The following MAP4K1 variants were observed in gnomAD, a reference collection of about 807,000 sequenced individuals.
MAP4K1 encodes MAPK/ERK kinase kinase kinase 1.
Under a neutral mutation model 122.8 loss-of-function variants are expected in MAP4K1, and 35 were observed. The ratio of observed to expected loss-of-function variants is 0.29; its 90% CI spans 0.22 to 0.38. The LOEUF (loss-of-function observed/expected upper bound fraction) is 0.38, where lower values mean the gene tolerates loss of function less well. Ranked by LOEUF, MAP4K1 falls within the 10% of genes least tolerant of loss-of-function variation. The probability of loss-of-function intolerance (pLI) is 1.00; values close to 1 mark genes in which losing one functional copy is unlikely to be tolerated. For synonymous variants in MAP4K1, 412 were observed against 421.3 expected, an observed-to-expected ratio of 0.98 and a Z score of 0.27; for missense variants, 791 against 1,072.6, an observed-to-expected ratio of 0.74 and a Z score of 3.67.
chr19:38,612,808 A>G, intron 8 of MAP4K1, 66 bp from the exon 9 acceptor site: 2 of 1,569,984 alleles, frequency 1.3e-6, no homozygotes, highest in South Asian at 2.2e-5. Flanking sequence ...AGGGGCAGAG[A>G]AGGAGAAGGA....
At chr19:38,603,068 ATATACATATATACACATG>A (rs1296355370) in intron 19 of MAP4K1, among the ~76,000 whole-genome samples, 2 of 138,872 alleles carry the variant, frequency 1.4e-5, no homozygotes, top group Non-Finnish European at 3.0e-5. Context: ...ACATATACAC[ATATACATATATACACATG>A]TACATATATA....
chr19:38,600,849 A>G (rs1201451357), intron 20 of MAP4K1, among the ~76,000 whole-genome samples: 1 of 123,064 alleles, frequency 8.1e-6, no homozygotes, highest in African/African-American at 3.2e-5. Context: ...TCTGTTGCCC[A>G]GGCTGGAGTG....
chr19:38,599,220 C>T (rs1974986312), intron 22 of MAP4K1, among the ~76,000 whole-genome samples: 1 of 148,810 alleles, frequency 6.7e-6, no homozygotes, highest in South Asian at 2.1e-4. Flanking sequence ...TGATGGCTCA[C>T]ATCTGTAATA....
chr19:38,587,869 A>G, intron 30 of MAP4K1, 52 bp from the exon 31 acceptor site: 4 of 1,364,478 alleles, frequency 2.9e-6, no homozygotes, highest in Non-Finnish European at 4.2e-6. Context: ...ATGTTCATTG[A>G]TTCATTAATT....
chr19:38,604,400 CAA>C (rs1293202181), intron 19 of MAP4K1, among the ~76,000 whole-genome samples: 2 of 152,096 alleles, frequency 1.3e-5, no homozygotes, highest in Non-Finnish European at 2.9e-5. Flanking sequence ...TGGATCTTGT[CAA>C]AAGACTCTAA....
At chr19:38,608,884 G>A (rs1208364311) in intron 13 of MAP4K1, among the ~76,000 whole-genome samples, 1 of 151,356 alleles carries the variant, frequency 6.6e-6, no homozygotes, top group Non-Finnish European at 1.5e-5. Flanking sequence ...GGAGGCTGAG[G>A]TGGGAGGATT....
chr19:38,616,909 T>G (rs1975662550), intron 3 of MAP4K1, among the ~76,000 whole-genome samples: 1 of 151,858 alleles, frequency 6.6e-6, no homozygotes, highest in Admixed American at 6.6e-5. Context: ...GGGTCCAGGA[T>G]GGGAGGTCGG....
chr19:38,614,426 C>T lies in MAP4K1; in HGVS notation c.333G>A (p.Glu111=). The part of the protein sequence containing the change: ...DIYQVTGSLS[E]LQISYVCREV... ...CCCGGCAGACATAGCTAATCTGGAG[C>T]TCTGACAGGGAGCCTGTCACTGCAA... The change falls in exon 5 of 31, where the codon GAG becomes GAA. Residue 111 remains glutamate (E), a synonymous_variant. Coordinates refer to ENST00000396857, the MANE Select transcript of MAP4K1 (RefSeq NM_001042600.3). The T allele has an allele frequency of 6.2e-7, 1 of 1,614,148 alleles. No homozygotes were observed. The highest frequency in any genetic ancestry group is 8.5e-7 in the Non-Finnish European group (1 of 1,180,026).
intron 19 of MAP4K1, among the ~76,000 whole-genome samples, chr19:38,604,981 G>A (rs62120356): frequency 0.037 from 5,640 of 151,400 alleles, 129 homozygotes; most frequent in Admixed American, 0.064. Context: ...CAGCTACTCC[G>A]GAGGCTGAGG....
intron 30 of MAP4K1, among the ~76,000 whole-genome samples, chr19:38,592,148 C>T (rs1172809335): frequency 6.6e-6 from 1 of 151,968 alleles, no homozygotes; most frequent in Non-Finnish European, 1.5e-5. Flanking sequence ...GTGGTGTATG[C>T]CTGTGGACCT....
At chr19:38,608,269 A>G in intron 13 of MAP4K1, 99 bp from the exon 14 acceptor site, 4 of 561,894 alleles carry the variant, frequency 7.1e-6, no homozygotes, top group Non-Finnish European at 1.2e-5. Context: ...GGGGGGTTGC[A>G]GTCAGGATCT....
At chr19:38,607,119 G>C (rs1975351525) in intron 16 of MAP4K1, among the ~76,000 whole-genome samples, 2 of 152,194 alleles carry the variant, frequency 1.3e-5, no homozygotes, top group South Asian at 4.1e-4. Flanking sequence ...AGACTGGGAT[G>C]TGGCTGAGGG....
At chr19:38,590,254 A>C (rs8112140) in intron 30 of MAP4K1, among the ~76,000 whole-genome samples, 134,801 of 135,316 alleles carry the variant, frequency 1, 67,143 homozygotes, top group Non-Finnish European at 1. Context: ...TAGAAAACAA[A>C]TTTCCTTTAA....
rs932893230 is a variant in MAP4K1, at chr19:38,597,617, G to A, written c.1670-23C>T. 15 of 1,529,294 alleles carry A rather than the reference G, an allele frequency of 9.8e-6. No homozygotes were observed. The African/African-American group carries it at 1.5e-4, about 15-fold the overall frequency. 94.7% of individuals were successfully genotyped at this position (1,529,294 alleles called of 1,614,324 possible). On this transcript the variant is annotated intron_variant, in intron 22 of 30. Coordinates refer to ENST00000396857, the MANE Select transcript of MAP4K1 (RefSeq NM_001042600.3). The surrounding 1 kb of genome is among the most constrained non-coding windows in gnomAD (Gnocchi z 4.6). ...TTCCTGCAGGGTGTGTGTATGTAGG[G>A]GGAAGCAGGAAGTTATAGGATCCCA...
chr19:38,606,218 G>A lies in MAP4K1; in HGVS notation c.1158-3C>T. On this transcript the variant is annotated splice_region_variant and splice_polypyrimidine_tract_variant and intron_variant, in intron 16 of 30. Coordinates refer to ENST00000396857, the MANE Select transcript of MAP4K1 (RefSeq NM_001042600.3). ...GTGTGTCCTCTGCAGGGGTGGGGCTGAAACACAAAGATGGGTTAAATAGCT... is the reference window on the plus strand; with the variant it reads ...GTGTGTCCTCTGCAGGGGTGGGGCTAAAACACAAAGATGGGTTAAATAGCT... The A allele has an allele frequency of 6.5e-7, 1 of 1,538,856 alleles. No homozygotes were observed. The highest frequency in any genetic ancestry group is 8.8e-7 in the Non-Finnish European group (1 of 1,142,268).
chr19:38,596,340 G>T lies in MAP4K1; in HGVS notation c.2088C>A (p.Leu696=). ...TGCTCATCTCGCCCAGCCAGCAAGA[G>T]AGCGCGCCAAAGCGCACCGTGTGGA... The part of the protein sequence containing the change: ...VLFHTVRFGA[L]SCWLGEMSTE... The change falls in exon 26 of 31, where the codon CTC becomes CTA. Residue 696 remains leucine, a synonymous_variant. Transcript: ENST00000396857. The T allele has an allele frequency of 6.3e-7, 1 of 1,599,226 alleles. No individual in the cohort carries two copies.
At chr19:38,613,978 T>C in intron 7 of MAP4K1, 26 bp from the exon 8 acceptor site, 1 of 1,613,638 alleles carries the variant, frequency 6.2e-7, no homozygotes, top group Non-Finnish European at 8.5e-7. Flanking sequence ...GACATAGTGA[T>C]CTGGGGTCCA....
chr19:38,596,921 G>C, intron 25 of MAP4K1, 113 bp downstream of exon 25: 1 of 1,000,534 alleles, frequency 1.0e-6, no homozygotes, highest in South Asian at 1.4e-5. Context: ...GGGAGATTGG[G>C]GCGGGGCCTC....
At position 38,587,834 on chromosome 19, in the gene MAP4K1, T is replaced by G. The variant is rs753391240; in HGVS notation, c.2397-17A>C. The G allele has an allele frequency of 5.6e-6, 9 of 1,595,454 alleles. No individual in the cohort carries two copies. Among genetic ancestry groups the G allele is most frequent in the Non-Finnish European group, 7.7e-6 (9 of 1,163,146 alleles). ...ACTACAGGCCTGTGGAAGGAAGAGATAAGTCAGTTCATTTATTCATTCATA... is the reference window on the plus strand; with the variant it reads ...ACTACAGGCCTGTGGAAGGAAGAGAGAAGTCAGTTCATTTATTCATTCATA... On this transcript the variant is annotated splice_polypyrimidine_tract_variant and intron_variant, in intron 30 of 30. Coordinates refer to ENST00000396857, the MANE Select transcript of MAP4K1 (RefSeq NM_001042600.3).
Sources: allele counts gnomAD v4.1 joint callset (sites outside exome capture counted in the v4.1 genomes callset), GRCh38; gene constraint gnomAD v4.1.1; non-coding constraint Gnocchi (gnomAD v3.1); transcripts MANE v1.5; gene names NCBI Gene and HGNC (gene_info 2026-07-23, HGNC 2026-07-21).